The following JAZF1 variants were observed in gnomAD, a reference collection of about 807,000 sequenced individuals.
JAZF1 encodes the protein JAZF zinc finger 1.
JAZF1 carries 8 observed loss-of-function variants against 26.4 expected under a neutral mutation model. The ratio of observed to expected loss-of-function variants is 0.30; its 90% CI spans 0.18 to 0.55. The LOEUF is 0.55. JAZF1 is among the 20% of genes least tolerant of loss of function. The probability of loss-of-function intolerance (pLI) is 0.94; values close to 1 mark genes in which losing one functional copy is unlikely to be tolerated. For missense variants in JAZF1, 199 were observed against 322.0 expected, an observed-to-expected ratio of 0.62 and a Z score of 2.92; for synonymous variants, 126 against 122.3, an observed-to-expected ratio of 1.03 and a Z score of -0.20.
chr7:28,126,667 C>T (rs912386023), intron 1 of JAZF1, among the ~76,000 whole-genome samples: 1 of 152,188 alleles, frequency 6.6e-6, no homozygotes, highest in Non-Finnish European at 1.5e-5. Flanking sequence ...CATCTTCCAA[C>T]AAGACTGTAC....
At chr7:28,017,447 C>T (rs991432668) in intron 1 of JAZF1, among the ~76,000 whole-genome samples, 6 of 151,544 alleles carry the variant, frequency 4.0e-5, no homozygotes, top group South Asian at 2.1e-4. Flanking sequence ...GGGCTGTTTT[C>T]GGCTTCTTCC....
At chr7:28,062,607 C>T (rs1783818543) in intron 1 of JAZF1, among the ~76,000 whole-genome samples, 1 of 151,972 alleles carries the variant, frequency 6.6e-6, no homozygotes, top group Admixed American at 6.6e-5. Flanking sequence ...CCTCAGGTTG[C>T]CTGTGCCCCA....
chr7:28,107,790 T>C (rs886707890), intron 1 of JAZF1, among the ~76,000 whole-genome samples: 2 of 152,250 alleles, frequency 1.3e-5, no homozygotes, highest in Non-Finnish European at 2.9e-5. Context: ...TGTAGTTTAC[T>C]GCCAGAGAAT....
chr7:28,033,871 G>A (rs1362369420), intron 1 of JAZF1, among the ~76,000 whole-genome samples: 1 of 152,084 alleles, frequency 6.6e-6, no homozygotes, highest in Non-Finnish European at 1.5e-5. Flanking sequence ...AGCCTCCTGA[G>A]TAACTGGATT....
intron 3 of JAZF1, among the ~76,000 whole-genome samples, chr7:27,854,564 G>A (rs1487663541): frequency 2.0e-5 from 3 of 152,182 alleles, no homozygotes; most frequent in African/African-American, 4.8e-5. Context: ...GGCAGGCCTG[G>A]TGGTGACAAA....
intron 3 of JAZF1, among the ~76,000 whole-genome samples, chr7:27,870,557 G>A (rs1163922603): frequency 1.3e-5 from 2 of 152,102 alleles, no homozygotes; most frequent in African/African-American, 4.8e-5. Flanking sequence ...TTTCAAGGCT[G>A]GAAAGAACCT....
intron 3 of JAZF1, among the ~76,000 whole-genome samples, chr7:27,894,815 C>T (rs1282393295): frequency 6.6e-6 from 1 of 152,158 alleles, no homozygotes; most frequent in Non-Finnish European, 1.5e-5. Context: ...CTAAATTTCT[C>T]CAAGACTGCT....
chr7:27,988,613 T>C (rs1785814047), intron 2 of JAZF1, among the ~76,000 whole-genome samples: 2 of 152,138 alleles, frequency 1.3e-5, no homozygotes, highest in African/African-American at 2.4e-5. Flanking sequence ...TGAGTGACAT[T>C]TGAGTGGCTA....
intron 1 of JAZF1, among the ~76,000 whole-genome samples, chr7:28,007,552 G>C (rs1782725316): frequency 6.6e-6 from 1 of 151,750 alleles, no homozygotes; most frequent in Non-Finnish European, 1.5e-5. Context: ...CTGGGCAACA[G>C]AGTGAGACTC....
At chr7:28,102,559 G>A (rs546307621) in intron 1 of JAZF1, among the ~76,000 whole-genome samples, 69 of 149,766 alleles carry the variant, frequency 4.6e-4, no homozygotes, top group African/African-American at 1.7e-3. Flanking sequence ...CATAGTTGGT[G>A]AAAAGGGGTA....
chr7:27,960,027 T>C (rs934616290), intron 2 of JAZF1, among the ~76,000 whole-genome samples: 9 of 152,090 alleles, frequency 5.9e-5, no homozygotes, highest in Non-Finnish European at 1.2e-4. Flanking sequence ...AAAATGAGGT[T>C]AGAGTGAAAT....
chr7:28,100,811 T>C (rs890195466), intron 1 of JAZF1, among the ~76,000 whole-genome samples: 2 of 152,212 alleles, frequency 1.3e-5, no homozygotes, highest in Non-Finnish European at 2.9e-5. Context: ...AAAGAATAGC[T>C]GGACCAAGTC....
intron 1 of JAZF1, among the ~76,000 whole-genome samples, chr7:28,011,792 CCTT>C (rs1423150618): frequency 6.6e-6 from 1 of 152,130 alleles, no homozygotes; most frequent in Non-Finnish European, 1.5e-5. Context: ...TCTCTCCAGC[CCTT>C]CTTCTCAACG....
intron 2 of JAZF1, among the ~76,000 whole-genome samples, chr7:27,944,375 C>T (rs1371254540): frequency 2.0e-5 from 3 of 152,200 alleles, no homozygotes; most frequent in South Asian, 2.1e-4. Context: ...CCTTAATTTT[C>T]CGGTTATCCA....
chr7:28,130,110 T>G (rs149502806), intron 1 of JAZF1, among the ~76,000 whole-genome samples: 235 of 152,312 alleles, frequency 1.5e-3, no homozygotes, highest in African/African-American at 5.4e-3. Context: ...GATTTTGTAT[T>G]GAGGCAGAGT....
chr7:27,888,834 T>G (rs1026663454), intron 3 of JAZF1, among the ~76,000 whole-genome samples: 1 of 152,128 alleles, frequency 6.6e-6, no homozygotes, highest in South Asian at 2.1e-4. Flanking sequence ...ATACTTGAAT[T>G]TTCCCCCCCA....
chr7:28,015,623 T>C (rs188821541), intron 1 of JAZF1, among the ~76,000 whole-genome samples: 45 of 152,348 alleles, frequency 3.0e-4, no homozygotes, highest in Admixed American at 5.2e-4. Flanking sequence ...AAATATTTTA[T>C]AATAAATTAT....
intron 1 of JAZF1, among the ~76,000 whole-genome samples, chr7:28,074,166 T>G (rs1784018625): frequency 6.6e-6 from 1 of 152,214 alleles, no homozygotes. Context: ...TTATTTGTCC[T>G]AAGTAATTAA....
chr7:27,924,789 T>C (rs753637370), intron 2 of JAZF1, among the ~76,000 whole-genome samples: 1 of 152,204 alleles, frequency 6.6e-6, no homozygotes, highest in Admixed American at 6.5e-5. Context: ...AATGTGTGCA[T>C]TCTCTGGGCA....
Sources: allele counts gnomAD v4.1 joint callset (sites outside exome capture counted in the v4.1 genomes callset), GRCh38; gene constraint gnomAD v4.1.1; transcripts MANE v1.5; gene names NCBI Gene and HGNC (gene_info 2026-07-23, HGNC 2026-07-21).